Variants in WBP2NL observed in about 807,000 individuals in gnomAD.
The protein encoded by WBP2NL is postacrosomal sheath WW domain-binding protein.
A neutral mutation model predicts 23.3 loss-of-function variants in WBP2NL; 27 were observed. That is an observed-to-expected ratio of 1.16 (90% CI 0.85 to 1.60). WBP2NL has a LOEUF of 1.60. WBP2NL is among the 40% of genes most tolerant of loss of function. The pLI is 0.00. For synonymous variants in WBP2NL, 151 were observed against 145.9 expected (o/e 1.03, Z -0.25); for missense variants, 370 against 389.5 (o/e 0.95, Z 0.42).
intron 8 of WBP2NL, among the ~76,000 whole-genome samples, chr22:42,043,793 C>G (rs1373874619): frequency 6.6e-6 from 1 of 151,774 alleles, no homozygotes; most frequent in Admixed American, 6.6e-5. Flanking sequence ...GTGGCGCGAT[C>G]TAAGCTCACT....
At chr22:42,047,624 T>A (rs865800499) in intron 8 of WBP2NL, among the ~76,000 whole-genome samples, 6,264 of 147,458 alleles carry the variant, frequency 0.042, 474 homozygotes, top group African/African-American at 0.15. Flanking sequence ...CAATCAAATT[T>A]TTTTTTTTTT....
At chr22:42,024,501 T>C (rs971654885) in intron 5 of WBP2NL, among the ~76,000 whole-genome samples, 2 of 150,468 alleles carry the variant, frequency 1.3e-5, no homozygotes, top group Non-Finnish European at 2.9e-5. Context: ...TATCTTCCTT[T>C]TTTTAAAAAA....
chr22:42,043,813 A>G (rs1397216070), intron 8 of WBP2NL, among the ~76,000 whole-genome samples: 1 of 151,250 alleles, frequency 6.6e-6, no homozygotes, highest in Non-Finnish European at 1.5e-5. Flanking sequence ...TGCAACCTCC[A>G]CCTCCCAGGT....
Position 42,027,856 on chromosome 22 carries a change from C to A in WBP2NL, c.*675C>A. The A allele has an allele frequency of 7.5e-6, 3 of 397,766 alleles. No homozygotes were observed. Among genetic ancestry groups the A allele is most frequent in the South Asian group, 1.4e-4 (1 of 7,372 alleles). 24.6% of individuals were successfully genotyped at this position (397,766 alleles called of 1,614,324 possible). A position where few individuals can be genotyped will look rare whatever the true frequency, so the allele number is the denominator to read the frequency against. On this transcript the variant is annotated 3_prime_UTR_variant, in exon 6 of 6. Transcript: ENST00000328823. The stretch of plus-strand genomic sequence containing the variant: ...TCAGAATACGTGAATAACTACAAAT[C>A]AATTCTCCCCAAAATGACAGAAATA...
intron 1 of WBP2NL, among the ~76,000 whole-genome samples, chr22:42,008,101 C>CCTTTCCTTTCCTTTG (rs1569446583): frequency 2.3e-4 from 28 of 119,272 alleles, no homozygotes; most frequent in African/African-American, 8.4e-4. Flanking sequence ...CCTTTCCTTT[C>CCTTTCCTTTCCTTTG]CTTTCCTTTC....
chr22:42,049,050 A>G (rs1251766051), intron 8 of WBP2NL, among the ~76,000 whole-genome samples: 1 of 152,228 alleles, frequency 6.6e-6, no homozygotes, highest in South Asian at 2.1e-4. Flanking sequence ...TACTTTGTTC[A>G]CAAATGACCA....
chr22:42,022,155 G>A (rs1602461367), intron 4 of WBP2NL, 94 bp from the exon 5 acceptor site: 1 of 995,104 alleles, frequency 1.0e-6, no homozygotes, highest in East Asian at 2.4e-5. Flanking sequence ...CATGTAAGGT[G>A]GTGATTAAAT....
At chr22:42,013,891 C>T (rs1028920740) in intron 1 of WBP2NL, among the ~76,000 whole-genome samples, 4 of 151,992 alleles carry the variant, frequency 2.6e-5, no homozygotes, top group African/African-American at 4.8e-5. Flanking sequence ...CGCAATTCTC[C>T]GGCCTCAGCC....
downstream of WBP2NL, among the ~76,000 whole-genome samples, chr22:42,035,356 G>A (rs1354302945): frequency 1.3e-5 from 2 of 152,196 alleles, no homozygotes; most frequent in African/African-American, 2.4e-5. Context: ...CTGGGAGGGT[G>A]GAGCTCCCAC....
At chr22:42,011,927 C>G (rs1461848389) in intron 1 of WBP2NL, among the ~76,000 whole-genome samples, 1 of 152,028 alleles carries the variant, frequency 6.6e-6, no homozygotes, top group Non-Finnish European at 1.5e-5. Context: ...TGCCCACCAC[C>G]ATGCCTGGCT....
chr22:42,047,996 T>G (rs545181484), intron 8 of WBP2NL, among the ~76,000 whole-genome samples: 1 of 152,112 alleles, frequency 6.6e-6, no homozygotes, highest in East Asian at 1.9e-4. Flanking sequence ...GCAAAAATCC[T>G]CAAAACAAAA....
chr22:42,001,130 A>G, intron 1 of WBP2NL: 1 of 1,027,560 alleles, frequency 9.7e-7, no homozygotes, highest in Non-Finnish European at 1.5e-6. Flanking sequence ...CATGCCTCTG[A>G]GAACACTGGA....
downstream of WBP2NL, among the ~76,000 whole-genome samples, chr22:42,033,739 G>A (rs1925076955): frequency 6.6e-6 from 1 of 152,142 alleles, no homozygotes. Context: ...CAACAGAGAG[G>A]GGTCCTGGAA....
intron 1 of WBP2NL, chr22:42,003,099 A>G (rs1264518942): frequency 1.3e-5 from 2 of 152,504 alleles, no homozygotes; most frequent in Non-Finnish European, 2.9e-5. Flanking sequence ...CAGAGGTTAC[A>G]GTGAACAGAG....
intron 1 of WBP2NL, chr22:42,002,052 A>G: frequency 2.1e-6 from 1 of 482,578 alleles, no homozygotes. Context: ...GTCATTTCTA[A>G]TTTGGTGTTT....
chr22:42,029,721 C>T (rs180756010), downstream of WBP2NL, among the ~76,000 whole-genome samples: 6 of 152,284 alleles, frequency 3.9e-5, no homozygotes, highest in Admixed American at 3.3e-4. Context: ...TATAATGTTT[C>T]ACCAGATATT....
At chr22:42,008,093 TTTCC>T (rs1922429826) in intron 1 of WBP2NL, among the ~76,000 whole-genome samples, 1 of 116,916 alleles carries the variant, frequency 8.6e-6, no homozygotes, top group South Asian at 2.9e-4. Flanking sequence ...CTCCTCTTCC[TTTCC>T]TTTCCTTTCC....
downstream of WBP2NL, chr22:42,032,733 A>T (rs1280719954): frequency 1.1e-5 from 5 of 470,230 alleles, no homozygotes; most frequent in Admixed American, 9.4e-5. Flanking sequence ...ACAACCATGG[A>T]CTGCTAGAGA....
chr22:42,013,085 G>T (rs1027055579), intron 1 of WBP2NL, among the ~76,000 whole-genome samples: 1 of 150,616 alleles, frequency 6.6e-6, no homozygotes, highest in African/African-American at 2.4e-5. Context: ...ATAAGAAATC[G>T]CTGCTGGCCG....
Sources: gnomAD v4.1 joint callset for allele counts (sites outside exome capture counted in the v4.1 genomes callset) on GRCh38, gnomAD v4.1.1 for gene constraint, MANE v1.5 for transcripts, NCBI Gene and HGNC (gene_info 2026-07-23, HGNC 2026-07-21) for gene names.